GALNT10: variants seen among roughly 807,000 people sequenced by gnomAD.
GALNT10 encodes the protein GalNAc transferase 10.
A neutral mutation model predicts 75.0 loss-of-function variants in GALNT10; 41 were observed. The ratio of observed to expected loss-of-function variants is 0.55; its 90% CI spans 0.43 to 0.71. The LOEUF is 0.71. Ranked by LOEUF, GALNT10 falls within the 30% of genes least tolerant of loss-of-function variation. The pLI, the probability that GALNT10 is intolerant of heterozygous loss-of-function variation, is 0.00. For missense variants in GALNT10, 727 were observed against 818.5 expected (o/e 0.89, Z 1.36); for synonymous variants, 302 against 313.0 (o/e 0.96, Z 0.37).
rs373356168 is a variant in GALNT10 at position 154,386,301 on chromosome 5, C to G, written c.939-12C>G. ...ATCTGCACCTTCACACCATGTTCTT[C>G]TTCTCTGACAGGTCTCCCGTGATGG... On this transcript the variant is annotated splice_polypyrimidine_tract_variant and intron_variant, in intron 6 of 11. Coordinates refer to ENST00000297107, the MANE Select transcript of GALNT10 (RefSeq NM_198321.4). The G allele has an allele frequency of 3.8e-5, 61 of 1,601,044 alleles. No individual in the cohort carries two copies. The highest frequency in any genetic ancestry group is 4.4e-5 in the Non-Finnish European group (52 of 1,168,650).
intron 4 of GALNT10, among the ~76,000 whole-genome samples, chr5:154,368,514 C>T (rs1463597509): frequency 6.6e-6 from 1 of 152,162 alleles, no homozygotes; most frequent in Non-Finnish European, 1.5e-5. Flanking sequence ...CCAAGCTGCT[C>T]ATCAAAAGTG....
At chr5:154,370,393 T>C (rs1755547090) in intron 4 of GALNT10, among the ~76,000 whole-genome samples, 1 of 152,174 alleles carries the variant, frequency 6.6e-6, no homozygotes, top group Non-Finnish European at 1.5e-5. Flanking sequence ...TTCCAGGCCT[T>C]TGCAAGGGGC....
intron 2 of GALNT10, among the ~76,000 whole-genome samples, chr5:154,296,040 G>T (rs1178378401): frequency 6.6e-6 from 1 of 152,176 alleles, no homozygotes; most frequent in Non-Finnish European, 1.5e-5. Context: ...GGAGATGCCA[G>T]AAAATGAGAA....
intron 1 of GALNT10, among the ~76,000 whole-genome samples, chr5:154,249,327 C>G (rs1753479189): frequency 6.6e-6 from 1 of 152,118 alleles, no homozygotes. Context: ...CCTAGGTGCT[C>G]TTTCTGTTCC....
At chr5:154,371,470 C>A (rs533693544) in intron 4 of GALNT10, among the ~76,000 whole-genome samples, 9 of 138,404 alleles carry the variant, frequency 6.5e-5, no homozygotes, top group African/African-American at 2.3e-4. Context: ...CCCTTCAGAC[C>A]AGACAGGAGG....
chr5:154,328,331 T>G (rs1430812043), intron 3 of GALNT10, among the ~76,000 whole-genome samples: 2 of 152,118 alleles, frequency 1.3e-5, no homozygotes, highest in Admixed American at 1.3e-4. Flanking sequence ...AAGCTTACCG[T>G]GGGGCTGGTG....
At chr5:154,296,126 A>G (rs1029529645) in intron 2 of GALNT10, among the ~76,000 whole-genome samples, 1 of 152,058 alleles carries the variant, frequency 6.6e-6, no homozygotes, top group African/African-American at 2.4e-5. Context: ...TCACTCTGTC[A>G]CCCAAGCTGG....
rs150769606 is a variant in GALNT10, at chr5:154,276,791, C to T, written c.160-18025C>T. On this transcript the variant is annotated intron_variant, in intron 1 of 11. Coordinates refer to ENST00000297107, the MANE Select transcript of GALNT10 (RefSeq NM_198321.4). ...AGGCAGACAGAGTGCAGTGAGAGGT[C>T]AGTGGAAGGGAGATTATTTTGTAAG... Among the ~76,000 whole-genome samples, 464 of 152,188 alleles carry T rather than the reference C, an allele frequency of 3.0e-3. 1 individual carries two copies. Among genetic ancestry groups the T allele is most frequent in the Non-Finnish European group, 3.2e-3 (218 of 68,022 alleles).
chr5:154,403,392 A>G (rs937428824), intron 7 of GALNT10, among the ~76,000 whole-genome samples: 1 of 152,148 alleles, frequency 6.6e-6, no homozygotes, highest in African/African-American at 2.4e-5. Context: ...TGTGATGTCA[A>G]ATACTCCTCC....
Position 154,416,324 on chromosome 5 carries a change from T to G in GALNT10, c.1653+392T>G, listed in dbSNP as rs1178515552. On this transcript the variant is annotated intron_variant, in intron 11 of 11. Coordinates refer to ENST00000297107, the MANE Select transcript of GALNT10 (RefSeq NM_198321.4). The surrounding 1 kb of genome is among the most constrained non-coding windows in gnomAD (Gnocchi z 4.5). ...GGCTCATGCCTGTACTCCCAGCTAC[T>G]CGGGAGGCCGAGGCAGGAGAAGCAC... Among the ~76,000 whole-genome samples the G allele has an allele frequency of 6.6e-6, 1 of 151,896 alleles. No individual in the cohort carries two copies. Among genetic ancestry groups the G allele is most frequent in the Non-Finnish European group, 1.5e-5 (1 of 67,998 alleles).
chr5:154,315,648 G>T (rs951162390), intron 3 of GALNT10, among the ~76,000 whole-genome samples: 1 of 152,212 alleles, frequency 6.6e-6, no homozygotes, highest in Admixed American at 6.5e-5. Flanking sequence ...TCAATGGATT[G>T]GCGGCCCTGA....
chr5:154,286,147 C>T (rs932599140), intron 1 of GALNT10, among the ~76,000 whole-genome samples: 4 of 152,118 alleles, frequency 2.6e-5, no homozygotes, highest in African/African-American at 7.2e-5. Context: ...CCTGTAGTTT[C>T]GGATGAAAGT....
chr5:154,208,850 G>A (rs1375753223), intron 1 of GALNT10, among the ~76,000 whole-genome samples: 2 of 152,138 alleles, frequency 1.3e-5, no homozygotes, highest in Non-Finnish European at 2.9e-5. Flanking sequence ...GCAGATAGAG[G>A]AACAGCTCCT....
At chr5:154,272,009 G>T (rs977946498) in intron 1 of GALNT10, among the ~76,000 whole-genome samples, 13 of 152,124 alleles carry the variant, frequency 8.5e-5, no homozygotes, top group Admixed American at 4.6e-4. Flanking sequence ...TTATAATTAT[G>T]CTTTGCCTGG....
At chr5:154,319,044 A>C (rs568389142) in intron 3 of GALNT10, among the ~76,000 whole-genome samples, 1 of 152,340 alleles carries the variant, frequency 6.6e-6, no homozygotes, top group Non-Finnish European at 1.5e-5. Flanking sequence ...GGGCCTCAAC[A>C]TTGAGGTTGT....
intron 1 of GALNT10, among the ~76,000 whole-genome samples, chr5:154,210,702 A>G (rs1775183231): frequency 6.6e-6 from 1 of 152,240 alleles, no homozygotes; most frequent in African/African-American, 2.4e-5. Flanking sequence ...TTGATGAGTG[A>G]AAAAAGGAAT....
At position 154,412,682 on chromosome 5, in the gene GALNT10, T is replaced by C; in HGVS notation, c.1387-207T>C. The C allele has an allele frequency of 1.8e-6, 1 of 545,544 alleles. No individual in the cohort carries two copies. Among genetic ancestry groups the C allele is most frequent in the Non-Finnish European group, 3.3e-6 (1 of 299,856 alleles). 33.8% of individuals were successfully genotyped at this position (545,544 alleles called of 1,614,324 possible). On this transcript the variant is annotated intron_variant, in intron 9 of 11. Coordinates refer to ENST00000297107, the MANE Select transcript of GALNT10 (RefSeq NM_198321.4). This position sits in a 1 kb window ranked among gnomAD's most constrained non-coding sequence, Gnocchi z 4.2. The stretch of plus-strand genomic sequence containing the variant: ...TACTCTACAATACTACTTACAGCAG[T>C]GCTTTAAGGATTACATTCTGTGGAC...
chr5:154,287,163 T>G (rs961424522), intron 1 of GALNT10, among the ~76,000 whole-genome samples: 2 of 152,240 alleles, frequency 1.3e-5, no homozygotes, highest in African/African-American at 4.8e-5. Flanking sequence ...TAACGTATTT[T>G]ATTCTTGGAG....
At chr5:154,236,276 T>A (rs145777180) in intron 1 of GALNT10, among the ~76,000 whole-genome samples, 160 of 152,360 alleles carry the variant, frequency 1.1e-3, no homozygotes, top group African/African-American at 3.8e-3. Context: ...ATGGAACTAT[T>A]GCAGGAATTC....
Sources: gnomAD v4.1 joint callset for allele counts (sites outside exome capture counted in the v4.1 genomes callset) on GRCh38, gnomAD v4.1.1 for gene constraint, Gnocchi (gnomAD v3.1) non-coding constraint, MANE v1.5 for transcripts, NCBI Gene and HGNC (gene_info 2026-07-23, HGNC 2026-07-21) for gene names.